The following CDIPT variants were observed in gnomAD, a reference collection of about 807,000 sequenced individuals.
CDIPT encodes the protein PI synthase.
In CDIPT, 17 loss-of-function variants were observed where a neutral mutation model predicts 21.6. The ratio of observed to expected loss-of-function variants is 0.79; its 90% CI spans 0.54 to 1.18. The LOEUF is 1.18. CDIPT is among the 50% of genes most tolerant of loss of function. CDIPT has a pLI of 0.00. For synonymous variants in CDIPT, 119 were observed against 117.9 expected (o/e 1.01, Z -0.06); for missense variants, 254 against 284.9 (o/e 0.89, Z 0.78).
In CDIPT at chr16:29,859,245, T is replaced by C; in HGVS notation, c.586A>G (p.Thr196Ala). The change falls in exon 6 of 6, where the codon ACG (threonine) becomes GCG (alanine). Residue 196 changes from threonine (T) to alanine (A), a missense_variant. Physicochemically the swap from Thr to Ala is moderately conservative, Grantham distance 58. Coordinates refer to ENST00000219789, the MANE Select transcript of CDIPT (RefSeq NM_006319.5). This position sits in a 1 kb window ranked among gnomAD's most constrained non-coding sequence, Gnocchi z 4.5. ...KSLISVIHLITAARNMAALDA... is the reference protein window; with the variant it reads ...KSLISVIHLIAAARNMAALDA... ...AGGGCAGCCATGTTGCGGGCGGCCG[T>C]GATCAGGTGGATGACGCTGATGAGC... 6.3e-7 allele frequency: 1 copy of C among 1,595,410 alleles called. No homozygotes were observed. The highest frequency in any genetic ancestry group is 8.5e-7 in the Non-Finnish European group (1 of 1,171,734).
intron 3 of CDIPT, 126 bp downstream of exon 3, chr16:29,860,980 C>T: frequency 1.1e-6 from 1 of 913,598 alleles, no homozygotes; most frequent in Non-Finnish European, 1.7e-6. Context: ...GGTCTTTCTA[C>T]AAAGCAGAGC....
chr16:29,859,192 C>G lies in CDIPT; in HGVS notation c.639G>C (p.Lys213Asn). 6.3e-7 allele frequency: 1 copy of G among 1,595,202 alleles called. No homozygotes were observed. Among genetic ancestry groups the G allele is most frequent in the Admixed American group, 1.8e-5 (1 of 56,646 alleles). ...ALDAADRAKK[K>N] ...GCCAGGACCCGGGGCTCCAGCGTCACTTCTTCTTGGCGCGGTCTGCTGCGT... is the reference window on the plus strand; with the variant it reads ...GCCAGGACCCGGGGCTCCAGCGTCAGTTCTTCTTGGCGCGGTCTGCTGCGT... Residue 213 changes from lysine to asparagine, a missense_variant, in exon 6 of 6, where the codon AAG (lysine) becomes AAC (asparagine). Physicochemically the swap from Lys to Asn is moderately conservative, Grantham distance 94. Transcript: ENST00000219789. The surrounding 1 kb of genome is among the most constrained non-coding windows in gnomAD (Gnocchi z 4.5).
At chr16:29,860,788 C>G (rs1317653513) in intron 3 of CDIPT, 126 bp from the exon 4 acceptor site, 1 of 675,770 alleles carries the variant, frequency 1.5e-6, no homozygotes, top group East Asian at 2.7e-5. Context: ...CTGCCGAAAG[C>G]CACAGTTACC....
At chr16:29,860,551 T>G (rs771699178) in intron 4 of CDIPT, 30 bp downstream of exon 4, 6 of 1,460,230 alleles carry the variant, frequency 4.1e-6, no homozygotes, top group Non-Finnish European at 5.8e-6. Flanking sequence ...GCCAAGAGCC[T>G]GAGGGGTGGG....
At position 29,863,127 on chromosome 16, in the gene CDIPT, C is replaced by A; in HGVS notation, c.-270G>T. The A allele has an allele frequency of 2.1e-6, 1 of 477,758 alleles. No homozygotes were observed. Among genetic ancestry groups the A allele is most frequent in the East Asian group, 4.1e-5 (1 of 24,218 alleles). The allele number at this position is 477,758 out of a possible 1,614,324, so 29.6% of individuals were successfully genotyped here. The stretch of plus-strand genomic sequence containing the variant: ...CTGCCAGCCCCGCAGGCGCTCCGGG[C>A]CTCCAGCTGCGGTCGCCGCTGCTCC... On this transcript the variant is annotated 5_prime_UTR_variant, in exon 1 of 6. Transcript: ENST00000219789.
At position 29,859,075 on chromosome 16, in the gene CDIPT, A is replaced by G. The variant is rs1467937226; in HGVS notation, c.*114T>C. 6.1e-6 allele frequency: 7 copies of G among 1,152,678 alleles called. No individual in the cohort carries two copies. The highest frequency in any genetic ancestry group is 1.5e-5 in the African/African-American group (1 of 64,966). The allele number at this position is 1,152,678 out of a possible 1,614,324, so 71.4% of individuals were successfully genotyped here. On this transcript the variant is annotated 3_prime_UTR_variant, in exon 6 of 6. Coordinates refer to ENST00000219789, the MANE Select transcript of CDIPT (RefSeq NM_006319.5). The surrounding 1 kb of genome is among the most constrained non-coding windows in gnomAD (Gnocchi z 4.5). ...GAGGCTGACCCCCATCCCAGCAGGT[A>G]GAACAACACATGAGGAAGGCGTGAG...
In CDIPT at chr16:29,861,144, C is replaced by T. The variant is rs778580612; in HGVS notation, c.294G>A (p.Met98Ile). Residue 98 changes from methionine (M) to isoleucine (I), a missense_variant, in exon 3 of 6, where the codon ATG becomes ATA. Transcript: ENST00000219789. Reference sequence around the variant, plus strand: ...GCCAGTGACTGGCCACATCCAAACTCATGCTGATTTGGAAGAACAGCGTGG... The same window carrying T: ...GCCAGTGACTGGCCACATCCAAACTTATGCTGATTTGGAAGAACAGCGTGG... ...PGATLFFQISMSLDVASHWLH... is the reference protein window; with the variant it reads ...PGATLFFQISISLDVASHWLH... 1.9e-6 allele frequency: 3 copies of T among 1,614,172 alleles called. No homozygotes were observed. The highest frequency in any genetic ancestry group is 2.5e-6 in the Non-Finnish European group (3 of 1,180,040).
intron 2 of CDIPT, chr16:29,861,748 T>TG: frequency 4.0e-6 from 2 of 500,742 alleles, no homozygotes; most frequent in Non-Finnish European, 7.2e-6. Context: ...GTTTTTTTTT[T>TG]TCCGAGACAG....
At position 29,862,611 on chromosome 16, in the gene CDIPT, T is replaced by C. The variant is rs1255537370; in HGVS notation, c.153A>G (p.Gly51=). 1.3e-6 allele frequency: 2 copies of C among 1,594,062 alleles called. No individual in the cohort carries two copies. Among genetic ancestry groups the C allele is most frequent in the South Asian group, 2.2e-5 (2 of 89,210 alleles). The change falls in exon 2 of 6, where the codon GGA becomes GGG. Residue 51 remains glycine (G), a synonymous_variant. Coordinates refer to ENST00000219789, the MANE Select transcript of CDIPT (RefSeq NM_006319.5). This position sits in a 1 kb window ranked among gnomAD's most constrained non-coding sequence, Gnocchi z 6.7. ...CTTGATTAAGAGCGCGAGCAGCGTG[T>C]CCATCGAAAGCGTCCAGCAGGCCGC... The part of the protein sequence containing the change: ...LLSGLLDAFD[G]HAARALNQGT...
Position 29,863,090 on chromosome 16 carries a change from C to T in CDIPT, c.-233G>A. 1.8e-6 allele frequency: 1 copy of T among 543,496 alleles called. No homozygotes were observed. The highest frequency in any genetic ancestry group is 3.2e-6 in the Non-Finnish European group (1 of 309,662). The allele number at this position is 543,496 out of a possible 1,614,324, so 33.7% of individuals were successfully genotyped here. ...CGCAGTCCGCCCTTCCTACCCGCAA[C>T]CTCCCTCGCCTCTGCCAGCCCCGCA... On this transcript the variant is annotated 5_prime_UTR_variant, in exon 1 of 6. Transcript: ENST00000219789.
Position 29,862,444 on chromosome 16 carries a change from A to C in CDIPT, c.178+142T>G, listed in dbSNP as rs1367472894. 1 of 889,708 alleles carries C rather than the reference A, an allele frequency of 1.1e-6. No individual in the cohort carries two copies. The highest frequency in any genetic ancestry group is 1.7e-6 in the Non-Finnish European group (1 of 588,826). The allele number at this position is 889,708 out of a possible 1,614,324, so 55.1% of individuals were successfully genotyped here. The stretch of plus-strand genomic sequence containing the variant: ...CTCAAAAACAAAAAAACAAAACACA[A>C]AACAAAAAGCCCCAGGCCATCCTGT... On this transcript the variant is annotated intron_variant, in intron 2 of 5. Coordinates refer to ENST00000219789, the MANE Select transcript of CDIPT (RefSeq NM_006319.5). The surrounding 1 kb of genome is among the most constrained non-coding windows in gnomAD (Gnocchi z 6.7).
chr16:29,861,890 A>C (rs764577889), intron 2 of CDIPT, among the ~76,000 whole-genome samples: 4 of 151,862 alleles, frequency 2.6e-5, no homozygotes, highest in Non-Finnish European at 4.4e-5. Context: ...CGCGTCACCA[A>C]GCCCGCTAAT....
At chr16:29,860,684 C>G (rs754330645) in intron 3 of CDIPT, 22 bp from the exon 4 acceptor site, 3 of 1,484,732 alleles carry the variant, frequency 2.0e-6, no homozygotes, top group African/African-American at 2.8e-5. Context: ...AACAGGGGAA[C>G]CCACAAGGTT....
In CDIPT at chr16:29,862,484, A is replaced by G; in HGVS notation, c.178+102T>C. The G allele has an allele frequency of 8.1e-7, 1 of 1,239,808 alleles. No homozygotes were observed. The allele number at this position is 1,239,808 out of a possible 1,614,324, so 76.8% of individuals were successfully genotyped here. ...GGCCATCCTGTTCTGCTTTTTCCAG[A>G]GATGGGAATGACAGCCCTCTGACTC... On this transcript the variant is annotated intron_variant, in intron 2 of 5. Transcript: ENST00000219789. This position sits in a 1 kb window ranked among gnomAD's most constrained non-coding sequence, Gnocchi z 6.7.
At chr16:29,860,718 A>G (rs2067673919) in intron 3 of CDIPT, 56 bp from the exon 4 acceptor site, 1 of 991,638 alleles carries the variant, frequency 1.0e-6, no homozygotes, top group Non-Finnish European at 1.6e-6. Context: ...CATGCATCCA[A>G]TCCTCATGTT....
Position 29,862,700 on chromosome 16 carries a change from C to G in CDIPT, c.64G>C (p.Ala22Pro). The stretch of plus-strand genomic sequence containing the variant: ...GGCATGAAGTAGAAAGAAATGATGG[C>G]GAAGACAATCCGGGCATAACCTTGG... ...NLIGYARIVFAIISFYFMPCC... is the reference protein window; with the variant it reads ...NLIGYARIVFPIISFYFMPCC... Residue 22 changes from alanine to proline, a missense_variant, in exon 2 of 6, where the codon GCC becomes CCC. By Grantham distance (27) the Ala-to-Pro change is conservative (BLOSUM62 -1). Transcript: ENST00000219789. This position sits in a 1 kb window ranked among gnomAD's most constrained non-coding sequence, Gnocchi z 6.7. 1.2e-6 allele frequency: 2 copies of G among 1,614,000 alleles called. No individual in the cohort carries two copies. The highest frequency in any genetic ancestry group is 1.7e-6 in the Non-Finnish European group (2 of 1,179,952).
chr16:29,859,168 C>T lies in CDIPT; in HGVS notation c.*21G>A. The stretch of plus-strand genomic sequence containing the variant: ...CAAGACTCCCAGGGCAGGTGGGCAG[C>T]CAGGACCCGGGGCTCCAGCGTCACT... On this transcript the variant is annotated 3_prime_UTR_variant, in exon 6 of 6. Coordinates refer to ENST00000219789, the MANE Select transcript of CDIPT (RefSeq NM_006319.5). The surrounding 1 kb of genome is among the most constrained non-coding windows in gnomAD (Gnocchi z 4.5). 6.3e-7 allele frequency: 1 copy of T among 1,585,966 alleles called. No homozygotes were observed. The highest frequency in any genetic ancestry group is 1.8e-5 in the Admixed American group (1 of 55,394).
rs375968767 is a variant in CDIPT, at chr16:29,859,270, C to T, written c.561G>A (p.Ser187=). Residue 187 remains serine (S), a synonymous_variant, in exon 6 of 6, where the codon TCG becomes TCA. Transcript: ENST00000219789. This position sits in a 1 kb window ranked among gnomAD's most constrained non-coding sequence, Gnocchi z 4.5. Reference sequence around the variant, plus strand: ...TGATCAGGTGGATGACGCTGATGAGCGACTTCAGCAAGGCGATGGGGGCAG... The same window carrying T: ...TGATCAGGTGGATGACGCTGATGAGTGACTTCAGCAAGGCGATGGGGGCAG... ...WVTAPIALLK[S]LISVIHLITA... is the part of the protein sequence containing the mutation. 8.8e-6 allele frequency: 14 copies of T among 1,584,994 alleles called. No homozygotes were observed. The highest frequency in any genetic ancestry group is 1.7e-4 in the Middle Eastern group (1 of 5,994).
Position 29,859,417 on chromosome 16 carries a change from T to C in CDIPT, c.496+25A>G. 6.2e-7 allele frequency: 1 copy of C among 1,606,090 alleles called. No homozygotes were observed. Among genetic ancestry groups the C allele is most frequent in the Non-Finnish European group, 8.5e-7 (1 of 1,174,550 alleles). ...GGCAGGCCAGATCCCCCTCCCATCC[T>C]CCTGCCCAGCCCCTCATCTCCTACC... On this transcript the variant is annotated intron_variant, in intron 5 of 5. Transcript: ENST00000219789. This position sits in a 1 kb window ranked among gnomAD's most constrained non-coding sequence, Gnocchi z 4.5.
Sources: allele counts gnomAD v4.1 joint callset (sites outside exome capture counted in the v4.1 genomes callset), GRCh38; gene constraint gnomAD v4.1.1; non-coding constraint Gnocchi (gnomAD v3.1); transcripts MANE v1.5; gene names NCBI Gene and HGNC (gene_info 2026-07-23, HGNC 2026-07-21).